RPS6KC1: variants seen among roughly 807,000 people sequenced by gnomAD.
RPS6KC1 encodes ribosomal protein S6 kinase C1, also known as inactive ribosomal protein S6 kinase delta-1.
In RPS6KC1, 54 loss-of-function variants were observed where a neutral mutation model predicts 103.8. The ratio of observed to expected loss-of-function variants is 0.52; its 90% CI spans 0.42 to 0.65. The LOEUF (loss-of-function observed/expected upper bound fraction) is 0.65. Ranked by LOEUF, RPS6KC1 falls within the 30% of genes least tolerant of loss-of-function variation. The pLI is 0.00. For missense variants in RPS6KC1, 1,151 were observed against 1,253.8 expected (o/e 0.92, Z 1.24); for synonymous variants, 439 against 438.7 (o/e 1.00, Z -0.01).
the RPS6KC1 span, among the ~76,000 whole-genome samples, chr1:213,703,732 C>T: frequency 2.0e-5 from 3 of 152,046 alleles, no homozygotes; most frequent in Non-Finnish European, 4.4e-5. Context: ...TGTTTCTTTT[C>T]TCTTGCTGCT....
the RPS6KC1 span, among the ~76,000 whole-genome samples, chr1:213,446,031 G>A: frequency 2.6e-5 from 4 of 152,184 alleles, no homozygotes; most frequent in Non-Finnish European, 5.9e-5. Context: ...TTCCAAACCC[G>A]AGCTTTATCT....
At chr1:213,756,078 T>A in the RPS6KC1 span, among the ~76,000 whole-genome samples, 1 of 152,234 alleles carries the variant, frequency 6.6e-6, no homozygotes, top group African/African-American at 2.4e-5. Context: ...GCCCTAAGGC[T>A]GTGGGGTGGC....
chr1:213,213,934 C>T (rs527772225), intron 8 of RPS6KC1, among the ~76,000 whole-genome samples: 2 of 152,310 alleles, frequency 1.3e-5, no homozygotes, highest in Admixed American at 6.5e-5. Context: ...CTCCAGTCTA[C>T]AGCTCCCAGC....
intron 6 of RPS6KC1, among the ~76,000 whole-genome samples, chr1:213,153,256 G>A (rs954692147): frequency 3.3e-5 from 5 of 151,760 alleles, no homozygotes; most frequent in Non-Finnish European, 4.4e-5. Context: ...GAGAGGGAGA[G>A]GGAGAGGGAG....
At chr1:213,582,230 T>C in the RPS6KC1 span, among the ~76,000 whole-genome samples, 1 of 152,048 alleles carries the variant, frequency 6.6e-6, no homozygotes, top group Admixed American at 6.6e-5. Flanking sequence ...ATTTCTCACA[T>C]AGGGTGCCAC....
chr1:213,380,901 C>A, the RPS6KC1 span, among the ~76,000 whole-genome samples: 1 of 152,324 alleles, frequency 6.6e-6, no homozygotes, highest in Non-Finnish European at 1.5e-5. Flanking sequence ...ATGTTCTCTT[C>A]ATGCCCATCT....
At chr1:213,298,089 T>C in the RPS6KC1 span, among the ~76,000 whole-genome samples, 584 of 152,366 alleles carry the variant, frequency 3.8e-3, 1 homozygote, top group African/African-American at 0.013. Flanking sequence ...CTTGGGGGCA[T>C]CTTCAGCCTG....
At chr1:213,465,622 T>G in the RPS6KC1 span, among the ~76,000 whole-genome samples, 1 of 152,184 alleles carries the variant, frequency 6.6e-6, no homozygotes, top group East Asian at 1.9e-4. Flanking sequence ...CTACCTTTAA[T>G]AGATTAATTC....
intron 6 of RPS6KC1, among the ~76,000 whole-genome samples, chr1:213,166,200 A>C (rs1214804439): frequency 6.6e-6 from 1 of 152,066 alleles, no homozygotes; most frequent in Non-Finnish European, 1.5e-5. Context: ...AAATTGCCAT[A>C]GTTTTTATTA....
intron 4 of RPS6KC1, among the ~76,000 whole-genome samples, chr1:213,112,043 T>C (rs1282062826): frequency 6.6e-6 from 1 of 152,170 alleles, no homozygotes; most frequent in Non-Finnish European, 1.5e-5. Flanking sequence ...AGAGGGACCA[T>C]TTCAAATTTC....
At chr1:213,284,527 G>A in the RPS6KC1 span, among the ~76,000 whole-genome samples, 1 of 151,160 alleles carries the variant, frequency 6.6e-6, no homozygotes, top group Non-Finnish European at 1.5e-5. Flanking sequence ...AAAAAAAAGT[G>A]AATAAATACA....
the RPS6KC1 span, among the ~76,000 whole-genome samples, chr1:213,557,967 C>T: frequency 3.9e-5 from 6 of 152,306 alleles, no homozygotes; most frequent in Admixed American, 3.9e-4. Flanking sequence ...TTCCCCTAAC[C>T]TTCTCTGAAA....
At position 213,263,204 on chromosome 1, in the gene RPS6KC1, G is replaced by A. The variant is rs143410592; in HGVS notation, c.3090+388G>A. 3.1e-3 allele frequency among the ~76,000 whole-genome samples: 471 copies of A among 152,222 alleles called. 2 individuals are homozygous for A. Among genetic ancestry groups the A allele is most frequent in the African/African-American group, 9.9e-3 (413 of 41,540 alleles). ...AATTCTTACTTATAAGTTTACTCAG[G>A]TATTTATAAAGCTACTCAGGTTGCT... On this transcript the variant is annotated intron_variant, in intron 14 of 14. Transcript: ENST00000366960.
rs2094341757 is a variant in RPS6KC1, at chr1:213,241,130, G to A, written c.1654G>A (p.Ala552Thr). ...VDTKAIKSFP[A>T]HLAADSDSPS... Reference sequence around the variant, plus strand: ...TACAAAAGCTATTAAAAGCTTCCCAGCACACCTTGCTGCTGACAGTGACAG... The same window carrying A: ...TACAAAAGCTATTAAAAGCTTCCCAACACACCTTGCTGCTGACAGTGACAG... Residue 552 changes from alanine (A) to threonine (T), a missense_variant, in exon 11 of 15, where the codon GCA (alanine) becomes ACA (threonine). Ala to Thr is a moderately conservative substitution (Grantham distance 58). Transcript: ENST00000366960. 1 of 1,613,682 alleles carries A rather than the reference G, an allele frequency of 6.2e-7. No individual in the cohort carries two copies. Among genetic ancestry groups the A allele is most frequent in the South Asian group, 1.1e-5 (1 of 91,084 alleles).
At chr1:213,199,894 A>G (rs1305127350) in intron 8 of RPS6KC1, among the ~76,000 whole-genome samples, 1 of 152,210 alleles carries the variant, frequency 6.6e-6, no homozygotes, top group Non-Finnish European at 1.5e-5. Context: ...TAATTCCCAC[A>G]AAAAGAATAA....
the RPS6KC1 span, among the ~76,000 whole-genome samples, chr1:213,799,476 G>C: frequency 6.6e-6 from 1 of 152,102 alleles, no homozygotes; most frequent in African/African-American, 2.4e-5. Flanking sequence ...TGGCTAACAG[G>C]TCTTATTACT....
chr1:213,535,547 C>A, the RPS6KC1 span, among the ~76,000 whole-genome samples: 4 of 152,176 alleles, frequency 2.6e-5, no homozygotes, highest in Non-Finnish European at 5.9e-5. Context: ...CAGATTACCT[C>A]CCTCTGACCC....
the RPS6KC1 span, among the ~76,000 whole-genome samples, chr1:213,685,301 A>C: frequency 6.6e-6 from 1 of 152,168 alleles, no homozygotes; most frequent in Non-Finnish European, 1.5e-5. Flanking sequence ...GGATAACTTT[A>C]ATTTCTTCTT....
the RPS6KC1 span, among the ~76,000 whole-genome samples, chr1:213,517,677 G>A: frequency 6.6e-6 from 1 of 152,160 alleles, no homozygotes; most frequent in African/African-American, 2.4e-5. Flanking sequence ...AATAGGTGTG[G>A]TGTGGTGCTG....
Sources: gnomAD v4.1 joint callset for allele counts (sites outside exome capture counted in the v4.1 genomes callset) on GRCh38, gnomAD v4.1.1 for gene constraint, MANE v1.5 for transcripts, NCBI Gene and HGNC (gene_info 2026-07-23, HGNC 2026-07-21) for gene names.